Variants in SLC8A1 observed in about 807,000 individuals in gnomAD.
SLC8A1 encodes sodium/calcium exchanger 1.
A neutral mutation model predicts 68.3 loss-of-function variants in SLC8A1; 18 were observed. The ratio of observed to expected loss-of-function variants is 0.26; its 90% confidence interval spans 0.18 to 0.39. The LOEUF is 0.39. Ranked by LOEUF, SLC8A1 falls within the 10% of genes least tolerant of loss-of-function variation. The pLI is 1.00. For missense variants in SLC8A1, 985 were observed against 1,156.7 expected, an observed-to-expected ratio of 0.85 and a Z score of 2.15; for synonymous variants, 475 against 415.5, an observed-to-expected ratio of 1.14 and a Z score of -1.74.
chr2:40,407,720 C>T (rs542088533), intron 2 of SLC8A1, among the ~76,000 whole-genome samples: 2 of 152,294 alleles, frequency 1.3e-5, no homozygotes, highest in African/African-American at 4.8e-5. Context: ...ACCCTTATGT[C>T]CCCAACTTCC....
intron 2 of SLC8A1, among the ~76,000 whole-genome samples, chr2:40,352,123 G>A (rs557295036): frequency 5.3e-5 from 8 of 152,178 alleles, no homozygotes; most frequent in South Asian, 2.1e-4. Flanking sequence ...TTAATGCTTC[G>A]TATTTATCCA....
chr2:40,410,371 G>C (rs1477631156), intron 2 of SLC8A1, among the ~76,000 whole-genome samples: 1 of 151,984 alleles, frequency 6.6e-6, no homozygotes, highest in Non-Finnish European at 1.5e-5. Context: ...AATTTCATTT[G>C]ATTTTCATTA....
At position 40,190,049 on chromosome 2, in the gene SLC8A1, T is replaced by C. The variant is rs189955408; in HGVS notation, c.1809-12194A>G. Reference sequence around the variant, plus strand: ...GCTGGAAAAGTTTTCAGGATTCATCTGCCAATGTTGTTTCCCTAGAAGGCC... The same window carrying C: ...GCTGGAAAAGTTTTCAGGATTCATCCGCCAATGTTGTTTCCCTAGAAGGCC... On this transcript the variant is annotated intron_variant, in intron 2 of 7. Coordinates refer to ENST00000406785, the Ensembl canonical transcript of SLC8A1. 2.4e-4 allele frequency among the ~76,000 whole-genome samples: 36 copies of C among 152,342 alleles called. No individual in the cohort carries two copies. The East Asian group carries it at 6.6e-3, about 28-fold the overall frequency.
chr2:40,242,781 T>C (rs551872867), intron 2 of SLC8A1, among the ~76,000 whole-genome samples: 1 of 152,298 alleles, frequency 6.6e-6, no homozygotes, highest in South Asian at 2.1e-4. Flanking sequence ...ATGCCTTGTG[T>C]TTCAAGACTT....
At chr2:40,429,468 C>G in exon 2 of SLC8A1, 1 of 1,613,926 alleles carries the variant, frequency 6.2e-7, no homozygotes, top group Non-Finnish European at 8.5e-7. Context: ...TCATCCCCCT[C>G]TGCTTGCCAG....
intron 1 of SLC8A1, among the ~76,000 whole-genome samples, chr2:40,487,296 C>A (rs1705030829): frequency 6.6e-6 from 1 of 151,918 alleles, no homozygotes; most frequent in Admixed American, 6.6e-5. Flanking sequence ...AGATTTTTCT[C>A]CTTAATATTT....
chr2:40,324,247 A>T (rs1264554591), intron 2 of SLC8A1, among the ~76,000 whole-genome samples: 1 of 152,184 alleles, frequency 6.6e-6, no homozygotes, highest in African/African-American at 2.4e-5. Flanking sequence ...AGGTAGCATG[A>T]ATTGATACTC....
intron 2 of SLC8A1, among the ~76,000 whole-genome samples, chr2:40,207,070 A>T (rs1414456957): frequency 1.3e-5 from 2 of 152,050 alleles, no homozygotes; most frequent in Non-Finnish European, 2.9e-5. Context: ...GACCAAAAAC[A>T]TCTCTGTAGG....
intron 2 of SLC8A1, among the ~76,000 whole-genome samples, chr2:40,409,056 A>T (rs1037654009): frequency 6.6e-6 from 1 of 152,168 alleles, no homozygotes; most frequent in African/African-American, 2.4e-5. Context: ...GACATTACAA[A>T]TATACCAATT....
Position 40,292,794 on chromosome 2 carries a change from C to T in SLC8A1, c.1809-114939G>A, listed in dbSNP as rs144361801. ...GGGAGATTTAAGACTTTGAATAGTG[C>T]TAACAGAATAGAAAAGGAAAGTTAA... On this transcript the variant is annotated intron_variant, in intron 2 of 7. Transcript: ENST00000406785. 1.6e-4 allele frequency among the ~76,000 whole-genome samples: 25 copies of T among 152,242 alleles called. 1 individual carries two copies. In the East Asian group the frequency reaches 4.8e-3, roughly 29 times the overall value.
At chr2:40,408,444 G>C (rs1016388817) in intron 2 of SLC8A1, among the ~76,000 whole-genome samples, 4 of 152,160 alleles carry the variant, frequency 2.6e-5, no homozygotes, top group African/African-American at 9.7e-5. Context: ...ATTCTCTCCT[G>C]TTTCATTTTC....
At chr2:40,115,880 A>G (rs927690044) in intron 7 of SLC8A1, among the ~76,000 whole-genome samples, 1 of 152,214 alleles carries the variant, frequency 6.6e-6, no homozygotes, top group African/African-American at 2.4e-5. Context: ...TTGTATCCAC[A>G]GATACTGCAG....
At chr2:40,142,571 G>T (rs1017061977) in intron 6 of SLC8A1, among the ~76,000 whole-genome samples, 51 of 152,062 alleles carry the variant, frequency 3.4e-4, no homozygotes, top group African/African-American at 1.2e-3. Context: ...TACTTAATTT[G>T]GGGCATCTAA....
At chr2:40,289,100 T>C (rs1233880869) in intron 2 of SLC8A1, among the ~76,000 whole-genome samples, 1 of 148,534 alleles carries the variant, frequency 6.7e-6, no homozygotes, top group Admixed American at 6.7e-5. Flanking sequence ...TGACTGATTC[T>C]TTTTTTTTTC....
chr2:40,322,878 AT>A (rs2075374687), intron 2 of SLC8A1, among the ~76,000 whole-genome samples: 1 of 151,632 alleles, frequency 6.6e-6, no homozygotes, highest in Non-Finnish European at 1.5e-5. Flanking sequence ...ACAGAATCTC[AT>A]TTAATCCTTA....
intron 1 of SLC8A1, among the ~76,000 whole-genome samples, chr2:40,463,798 G>A (rs1008147705): frequency 2.1e-5 from 3 of 143,572 alleles, no homozygotes; most frequent in Admixed American, 7.1e-5. Context: ...TACAGACAAG[G>A]GAGGAGGATT....
chr2:40,238,614 C>A (rs997789032), intron 2 of SLC8A1, among the ~76,000 whole-genome samples: 1 of 152,208 alleles, frequency 6.6e-6, no homozygotes, highest in Non-Finnish European at 1.5e-5. Flanking sequence ...CCTATTCGGC[C>A]ATCTTGGCTC....
intron 2 of SLC8A1, among the ~76,000 whole-genome samples, chr2:40,323,379 A>C (rs1241720923): frequency 6.6e-6 from 1 of 152,196 alleles, no homozygotes. Context: ...TAGAATTGTC[A>C]TGTCTGAATC....
At chr2:40,248,266 C>A (rs2062174643) in intron 2 of SLC8A1, among the ~76,000 whole-genome samples, 1 of 151,456 alleles carries the variant, frequency 6.6e-6, no homozygotes, top group Non-Finnish European at 1.5e-5. Context: ...TTGCTAATGG[C>A]TGAATGTTTA....
Sources: allele counts gnomAD v4.1 joint callset (sites outside exome capture counted in the v4.1 genomes callset), GRCh38; gene constraint gnomAD v4.1.1; transcripts MANE v1.5; gene names NCBI Gene and HGNC (gene_info 2026-07-23, HGNC 2026-07-21).